Variants in LOXL2 observed in about 807,000 individuals in gnomAD.
LOXL2 encodes the protein lysyl oxidase homolog 2.
A neutral mutation model predicts 93.0 loss-of-function variants in LOXL2; 70 were observed. The observed-to-expected ratio is 0.75, with a 90% CI of 0.62 to 0.92. The LOEUF (loss-of-function observed/expected upper bound fraction) is 0.92, where lower values mean the gene tolerates loss of function less well. Among genes scored for constraint, LOXL2 ranks in the 40% least tolerant of loss-of-function variants. The pLI, the probability that LOXL2 is intolerant of heterozygous loss-of-function variation, is 0.00. For synonymous variants in LOXL2, 438 were observed against 413.2 expected, an observed-to-expected ratio of 1.06 and a Z score of -0.73; for missense variants, 973 against 1,054.9, an observed-to-expected ratio of 0.92 and a Z score of 1.08.
At position 23,330,890 on chromosome 8, in the gene LOXL2, T is replaced by C. The variant is rs1331647644; in HGVS notation, c.967-2325A>G. Among the ~76,000 whole-genome samples the C allele has an allele frequency of 2.0e-5, 3 of 151,888 alleles. 1 individual carries two copies. The highest frequency in any genetic ancestry group is 6.6e-5 in the Admixed American group (1 of 15,262). ...TGTCCTGGAGGCACACATATGATGG[T>C]GTGGTCCCCTCTGTGCTCTTCAGAG... On this transcript the variant is annotated intron_variant, in intron 5 of 13. Transcript: ENST00000389131.
At chr8:23,389,276 C>T (rs980335967) in intron 1 of LOXL2, among the ~76,000 whole-genome samples, 2 of 152,110 alleles carry the variant, frequency 1.3e-5, no homozygotes, top group African/African-American at 4.8e-5. Flanking sequence ...TGTGAAAGGC[C>T]TACTCCAAAA....
chr8:23,310,700 C>CAG, intron 9 of LOXL2, among the ~76,000 whole-genome samples: 1 of 152,178 alleles, frequency 6.6e-6, no homozygotes, highest in South Asian at 2.1e-4. Flanking sequence ...TCTCTGATTC[C>CAG]TACTGCCAAA....
At chr8:23,332,360 C>T in intron 5 of LOXL2, among the ~76,000 whole-genome samples, 1 of 130,982 alleles carries the variant, frequency 7.6e-6, no homozygotes. Context: ...CACTCATACA[C>T]ACCCACACAC....
chr8:23,345,440 C>A (rs1410088667), intron 3 of LOXL2, among the ~76,000 whole-genome samples: 1 of 152,224 alleles, frequency 6.6e-6, no homozygotes, highest in African/African-American at 2.4e-5. Context: ...GTGAGTCAGA[C>A]TGGATTGTGT....
intron 8 of LOXL2, among the ~76,000 whole-genome samples, chr8:23,317,689 G>A (rs975428861): frequency 2.6e-5 from 4 of 152,192 alleles, no homozygotes; most frequent in East Asian, 1.9e-4. Context: ...GAGGAGATCC[G>A]AGGCTTAGGA....
intron 2 of LOXL2, among the ~76,000 whole-genome samples, chr8:23,362,418 A>G (rs891785409): frequency 7.2e-5 from 11 of 152,216 alleles, no homozygotes; most frequent in African/African-American, 2.7e-4. Context: ...TATACTTAAC[A>G]CTACTGAACT....
chr8:23,346,205 T>TA (rs139242619), intron 3 of LOXL2, among the ~76,000 whole-genome samples: 9,721 of 80,740 alleles, frequency 0.12, 404 homozygotes, highest in Middle Eastern at 0.17. Flanking sequence ...TAAAATAAAA[T>TA]AAATAAAATA....
chr8:23,319,685 G>C (rs1478691041), intron 8 of LOXL2, among the ~76,000 whole-genome samples, 200 bp downstream of exon 8: 1 of 152,154 alleles, frequency 6.6e-6, no homozygotes, highest in Non-Finnish European at 1.5e-5. Flanking sequence ...GCAGAGATGG[G>C]AGCGACCTGC....
At chr8:23,369,561 C>T (rs1442412415) in intron 1 of LOXL2, among the ~76,000 whole-genome samples, 1 of 152,186 alleles carries the variant, frequency 6.6e-6, no homozygotes, top group Non-Finnish European at 1.5e-5. Flanking sequence ...CTGTCCAGAG[C>T]TGCCCATGGA....
chr8:23,301,165 G>A (rs1338604549), intron 12 of LOXL2, among the ~76,000 whole-genome samples: 2 of 152,212 alleles, frequency 1.3e-5, no homozygotes, highest in South Asian at 4.1e-4. Flanking sequence ...CACATTTCTG[G>A]TCATCCACTT....
chr8:23,372,719 A>T (rs10448070), intron 1 of LOXL2, among the ~76,000 whole-genome samples: 44,226 of 152,092 alleles, frequency 0.29, 6,554 homozygotes, highest in East Asian at 0.44. Context: ...TTCTAAACGT[A>T]CGTGCATAGC....
intron 1 of LOXL2, among the ~76,000 whole-genome samples, chr8:23,382,700 C>T (rs1027059578): frequency 6.6e-6 from 1 of 152,048 alleles, no homozygotes; most frequent in African/African-American, 2.4e-5. Context: ...TAAACTGTGT[C>T]TTTCTGCCCT....
At chr8:23,362,674 C>T (rs151041356) in intron 2 of LOXL2, among the ~76,000 whole-genome samples, 1,988 of 152,196 alleles carry the variant, frequency 0.013, 34 homozygotes, top group African/African-American at 0.045. Flanking sequence ...GTTGAGGCTG[C>T]AGTGAGCTGT....
At chr8:23,347,409 G>C (rs1804010932) in intron 3 of LOXL2, among the ~76,000 whole-genome samples, 1 of 152,002 alleles carries the variant, frequency 6.6e-6, no homozygotes, top group Admixed American at 6.6e-5. Context: ...TGTGAACCCA[G>C]CACTTTGGGA....
intron 1 of LOXL2, among the ~76,000 whole-genome samples, chr8:23,395,584 CAAT>C (rs1311807182): frequency 6.6e-6 from 1 of 152,148 alleles, no homozygotes; most frequent in Admixed American, 6.5e-5. Flanking sequence ...AATTATATCT[CAAT>C]AAAGTCTTTT....
At chr8:23,395,319 A>C (rs1800077323) in intron 1 of LOXL2, among the ~76,000 whole-genome samples, 1 of 94,390 alleles carries the variant, frequency 1.1e-5, no homozygotes, top group Non-Finnish European at 2.5e-5. Context: ...AGCCAGACCA[A>C]AAAAAAAAAA....
intron 1 of LOXL2, among the ~76,000 whole-genome samples, chr8:23,396,367 A>G (rs988059031): frequency 2.0e-5 from 3 of 151,876 alleles, no homozygotes; most frequent in Non-Finnish European, 4.4e-5. Flanking sequence ...AACGAGAGAG[A>G]GATCAGGTGG....
intron 3 of LOXL2, among the ~76,000 whole-genome samples, chr8:23,356,927 G>A (rs1415933098): frequency 2.6e-5 from 4 of 152,152 alleles, no homozygotes; most frequent in Non-Finnish European, 5.9e-5. Context: ...GAGGACAAGG[G>A]CCATGTTTTC....
At chr8:23,380,163 G>A (rs1156287944) in intron 1 of LOXL2, among the ~76,000 whole-genome samples, 1 of 152,200 alleles carries the variant, frequency 6.6e-6, no homozygotes, top group Admixed American at 6.5e-5. Flanking sequence ...GGGAGGACAA[G>A]GCAGGCGGAT....
Sources: gnomAD v4.1 joint callset for allele counts (sites outside exome capture counted in the v4.1 genomes callset) on GRCh38, gnomAD v4.1.1 for gene constraint, MANE v1.5 for transcripts, NCBI Gene and HGNC (gene_info 2026-07-23, HGNC 2026-07-21) for gene names.